The following RASGRP1 variants were observed in gnomAD, a reference collection of about 807,000 sequenced individuals.
The protein encoded by RASGRP1 is RAS guanyl releasing protein 1.
A neutral mutation model predicts 95.1 loss-of-function variants in RASGRP1; 37 were observed. The observed-to-expected ratio is 0.39, with a 90% CI of 0.30 to 0.51. The LOEUF (loss-of-function observed/expected upper bound fraction) is 0.51. RASGRP1 is among the 20% of genes least tolerant of loss of function. The probability of loss-of-function intolerance (pLI) is 0.80; values close to 1 mark genes in which losing one functional copy is unlikely to be tolerated. For missense variants in RASGRP1, 711 were observed against 965.4 expected (o/e 0.74, Z 3.49); for synonymous variants, 325 against 353.4 (o/e 0.92, Z 0.90).
At chr15:38,511,747 A>G (rs758850218) in intron 7 of RASGRP1, 27 bp from the exon 8 acceptor site, 2 of 1,543,136 alleles carry the variant, frequency 1.3e-6, no homozygotes, top group South Asian at 2.2e-5. Context: ...AGATGACAGC[A>G]GAGTCACTGT....
At chr15:38,532,541 G>A (rs1480354450) in intron 2 of RASGRP1, among the ~76,000 whole-genome samples, 1 of 152,152 alleles carries the variant, frequency 6.6e-6, no homozygotes, top group Non-Finnish European at 1.5e-5. Context: ...TAGTTTATGA[G>A]ATCACAATCA....
chr15:38,532,254 G>A (rs1008854810), intron 2 of RASGRP1, among the ~76,000 whole-genome samples: 7 of 152,154 alleles, frequency 4.6e-5, no homozygotes, highest in Admixed American at 1.3e-4. Context: ...TAAAATGTGC[G>A]TATTTTTTCA....
At chr15:38,491,619 G>A (rs540787550) in intron 16 of RASGRP1, among the ~76,000 whole-genome samples, 12 of 152,076 alleles carry the variant, frequency 7.9e-5, no homozygotes, top group South Asian at 4.2e-4. Context: ...ATTAATATAC[G>A]TTATATATTG....
intron 6 of RASGRP1, 141 bp from the exon 7 acceptor site, chr15:38,513,097 C>G (rs911401884): frequency 7.1e-6 from 6 of 840,124 alleles, no homozygotes; most frequent in African/African-American, 1.8e-5. Flanking sequence ...TGGTGCTCTT[C>G]TGCATCTTGG....
Position 38,490,275 on chromosome 15 carries a change from A to ATGAT in RASGRP1, c.*275_*278dup. 3.8e-6 allele frequency: 1 copy of ATGAT among 262,842 alleles called. No individual in the cohort carries two copies. The highest frequency in any genetic ancestry group is 2.2e-5 in the African/African-American group (1 of 45,548). 16.3% of individuals were successfully genotyped at this position (262,842 alleles called of 1,614,324 possible). A position where few individuals can be genotyped will look rare whatever the true frequency, so the allele number is the denominator to read the frequency against. On this transcript the variant is annotated 3_prime_UTR_variant, in exon 17 of 17. Coordinates refer to ENST00000310803, the MANE Select transcript of RASGRP1 (RefSeq NM_005739.4). ...CACCGAGATGCCCCATTGTCAGGAAATGATAGTCATGTTTTAGATCGCATA... is the reference window on the plus strand; with the variant it reads ...CACCGAGATGCCCCATTGTCAGGAAATGATTGATAGTCATGTTTTAGATCGCATA...
chr15:38,514,882 C>T (rs1891696464), intron 6 of RASGRP1, among the ~76,000 whole-genome samples: 1 of 152,150 alleles, frequency 6.6e-6, no homozygotes, highest in South Asian at 2.1e-4. Flanking sequence ...TGGCTTTTTT[C>T]AGTGGCTCAG....
intron 8 of RASGRP1, among the ~76,000 whole-genome samples, chr15:38,509,009 C>T (rs1891381956): frequency 6.6e-6 from 1 of 152,192 alleles, no homozygotes; most frequent in Non-Finnish European, 1.5e-5. Context: ...ATGTTTCCCA[C>T]CCACAAATGT....
chr15:38,560,143 C>G, intron 1 of RASGRP1, 138 bp from the exon 2 acceptor site: 1 of 737,070 alleles, frequency 1.4e-6, no homozygotes. Flanking sequence ...TCCCACTTGG[C>G]AAATGCACCA....
intron 12 of RASGRP1, chr15:38,501,584 T>C: frequency 2.0e-6 from 1 of 495,870 alleles, no homozygotes. Flanking sequence ...ATGTAACATG[T>C]ACATGTGTAT....
chr15:38,555,974 C>G (rs1305123408), intron 2 of RASGRP1, among the ~76,000 whole-genome samples: 1 of 152,108 alleles, frequency 6.6e-6, no homozygotes, highest in African/African-American at 2.4e-5. Flanking sequence ...TTTGTGAATT[C>G]AGACATTTGA....
At position 38,542,847 on chromosome 15, in the gene RASGRP1, ATGTG is replaced by A. The variant is rs1191173793; in HGVS notation, c.221-16447_221-16444del. The stretch of plus-strand genomic sequence containing the variant: ...TACATATATATGTGTATATATATAT[ATGTG>A]TATATATATACACATATATGTGTAT... On this transcript the variant is annotated intron_variant, in intron 2 of 16. Coordinates refer to ENST00000310803, the MANE Select transcript of RASGRP1 (RefSeq NM_005739.4). Among the ~76,000 whole-genome samples the A allele has an allele frequency of 2.4e-3, 290 of 119,376 alleles. 1 individual carries two copies. Among genetic ancestry groups the A allele is most frequent in the Middle Eastern group, 4.2e-3 (1 of 238 alleles). 78.3% of individuals were successfully genotyped at this position (119,376 alleles called of 152,430 possible).
At chr15:38,546,407 T>C (rs1324931602) in intron 2 of RASGRP1, among the ~76,000 whole-genome samples, 1 of 152,130 alleles carries the variant, frequency 6.6e-6, no homozygotes, top group East Asian at 1.9e-4. Flanking sequence ...TTTGTATTTT[T>C]AGTAGAGACG....
At chr15:38,505,416 G>A (rs1891212777) in intron 10 of RASGRP1, among the ~76,000 whole-genome samples, 2 of 152,124 alleles carry the variant, frequency 1.3e-5, no homozygotes, top group South Asian at 4.2e-4. Flanking sequence ...CTTCTGATTA[G>A]TACGCATATT....
rs1464412291 is a variant in RASGRP1 at position 38,518,315 on chromosome 15, G to A, written c.498C>T (p.Cys166=). 2 of 1,610,242 alleles carry A rather than the reference G, an allele frequency of 1.2e-6. No homozygotes were observed. The highest frequency in any genetic ancestry group is 1.7e-5 in the Admixed American group (1 of 59,602). The part of the protein sequence containing the change: ...LVKAKGEELH[C]RLIDTTQINA... ...ACATTTGAGTTGTGTCAATCAGGCG[G>A]CAATGTAACTCCTCACCCTTAGCTT... The change falls in exon 5 of 17, where the codon TGC becomes TGT. Residue 166 remains cysteine (C), a synonymous_variant. Transcript: ENST00000310803.
chr15:38,492,675 AACT>A (rs1399318812), intron 16 of RASGRP1, among the ~76,000 whole-genome samples: 1 of 152,176 alleles, frequency 6.6e-6, no homozygotes, highest in East Asian at 1.9e-4. Flanking sequence ...ATAATTAAGA[AACT>A]ACTATGCCAT....
At chr15:38,534,469 C>A (rs964531915) in intron 2 of RASGRP1, 2 of 151,600 alleles carry the variant, frequency 1.3e-5, no homozygotes, top group Non-Finnish European at 2.9e-5. Context: ...CTCTGAATAT[C>A]TTGGTTACAA....
At chr15:38,523,685 G>A (rs1892084066) in intron 3 of RASGRP1, among the ~76,000 whole-genome samples, 1 of 152,032 alleles carries the variant, frequency 6.6e-6, no homozygotes, top group South Asian at 2.1e-4. Context: ...CATGGTAAGT[G>A]CCCCCCTATA....
Position 38,491,541 on chromosome 15 carries a change from C to G in RASGRP1, c.2260-853G>C, listed in dbSNP as rs1890582504. Reference sequence around the variant, plus strand: ...ATCTAAACATAAAAGCTTTTATTTGCTTATTCTTTTGTCCCATGCTGGTTC... The same window carrying G: ...ATCTAAACATAAAAGCTTTTATTTGGTTATTCTTTTGTCCCATGCTGGTTC... On this transcript the variant is annotated intron_variant, in intron 16 of 16. Transcript: ENST00000310803. Among the ~76,000 whole-genome samples, 3 of 152,080 alleles carry G rather than the reference C, an allele frequency of 2.0e-5. No individual in the cohort carries two copies. In the South Asian group the frequency reaches 6.2e-4, roughly 31 times the overall value.
chr15:38,500,067 A>G (rs778028149), intron 14 of RASGRP1, 36 bp downstream of exon 14: 1 of 1,604,548 alleles, frequency 6.2e-7, no homozygotes, highest in Non-Finnish European at 8.5e-7. Flanking sequence ...GAATGGACTG[A>G]TACACCAGGA....
Sources: allele counts gnomAD v4.1 joint callset (sites outside exome capture counted in the v4.1 genomes callset), GRCh38; gene constraint gnomAD v4.1.1; transcripts MANE v1.5; gene names NCBI Gene and HGNC (gene_info 2026-07-23, HGNC 2026-07-21).